The following LMO7 variants were observed in gnomAD, a reference collection of about 807,000 sequenced individuals.
LMO7 encodes LIM domain 7.
LMO7 carries 120 observed loss-of-function variants against 206.5 expected under a neutral mutation model. That is an observed-to-expected ratio of 0.58 (90% confidence interval 0.50 to 0.68). The LOEUF (loss-of-function observed/expected upper bound fraction) is 0.68, where lower values mean the gene tolerates loss of function less well. Among genes scored for constraint, LMO7 ranks in the 30% least tolerant of loss-of-function variants. LMO7 has a pLI of 0.00. For synonymous variants in LMO7, 706 were observed against 681.5 expected (o/e 1.04, Z -0.56); for missense variants, 1,959 against 1,957.9 (o/e 1.00, Z -0.01).
At position 75,767,613 on chromosome 13, in the gene LMO7, A is replaced by T. The variant is rs1198585379; in HGVS notation, c.317+6575A>T. On this transcript the variant is annotated intron_variant, in intron 4 of 30. Transcript: ENST00000377534. The stretch of plus-strand genomic sequence containing the variant: ...CATTAACTTTGACTTTGGCATAACT[A>T]GAAAAACACTGGAAGGATCTGAACA... Among the ~76,000 whole-genome samples the T allele has an allele frequency of 2.0e-5, 3 of 152,078 alleles. No homozygotes were observed. The East Asian group carries it at 5.8e-4, about 29-fold the overall frequency.
chr13:75,681,337 T>C (rs2040467021), intron 1 of LMO7, among the ~76,000 whole-genome samples: 1 of 152,194 alleles, frequency 6.6e-6, no homozygotes, highest in Non-Finnish European at 1.5e-5. Flanking sequence ...TTATTAATGC[T>C]CAGCAAAGTT....
intron 1 of LMO7, among the ~76,000 whole-genome samples, chr13:75,692,194 A>G (rs927979055): frequency 6.6e-6 from 1 of 152,060 alleles, no homozygotes; most frequent in African/African-American, 2.4e-5. Flanking sequence ...ACCCAGGAAA[A>G]CCTAACTGTT....
chr13:75,740,565 A>G (rs1286947620), intron 3 of LMO7, among the ~76,000 whole-genome samples: 1 of 152,242 alleles, frequency 6.6e-6, no homozygotes, highest in Non-Finnish European at 1.5e-5. Context: ...CTTAAAGGTA[A>G]GATCATTAGT....
Position 75,849,141 on chromosome 13 carries a change from G to A in LMO7, c.4213G>A (p.Glu1405Lys), listed in dbSNP as rs757734340. ...CTCTTCACAGAGGAGATCCAAGAAA[G>A]AACAAGTACCATCAGGAGCAGAATT... ...MTSSQRRSKK[E>K]QVPSGAELER... is the part of the protein sequence containing the mutation. The change falls in exon 27 of 31, where the codon GAA becomes AAA. Residue 1405 changes from glutamate (E) to lysine (K), a missense_variant. Glu to Lys is a moderately conservative substitution (Grantham distance 56). Coordinates refer to ENST00000377534, the MANE Select transcript of LMO7 (RefSeq NM_001306080.2). The A allele has an allele frequency of 4.3e-6, 7 of 1,613,504 alleles. No homozygotes were observed. The East Asian group carries it at 1.6e-4, about 36-fold the overall frequency.
chr13:75,713,207 CA>C lies in LMO7; in HGVS notation c.99del (p.Asp34IlefsTer6). 6.3e-7 allele frequency: 1 copy of C among 1,596,184 alleles called. No individual in the cohort carries two copies. Among genetic ancestry groups the C allele is most frequent in the Middle Eastern group, 1.7e-4 (1 of 6,008 alleles). ...VEAVTEKNFE[T>X]KDFRASLENG... is the part of the protein sequence containing the mutation. ...GCAGTAACAGAGAAGAATTTTGAAA[CA>C]AAAGATTTTCGAGCCTCTCTAGAAA... On this transcript the variant is annotated frameshift_variant, in exon 2 of 31. Coordinates refer to ENST00000377534, the MANE Select transcript of LMO7 (RefSeq NM_001306080.2). LOFTEE classifies it high-confidence loss of function.
chr13:75,652,420 A>C (rs996350166), intron 1 of LMO7, among the ~76,000 whole-genome samples: 3 of 152,098 alleles, frequency 2.0e-5, no homozygotes, highest in African/African-American at 7.2e-5. Flanking sequence ...AACTTCCTTC[A>C]TTCTCTGCAG....
intron 8 of LMO7, chr13:75,804,815 T>C (rs1595141405): frequency 8.8e-7 from 1 of 1,140,204 alleles, no homozygotes. Flanking sequence ...ATTTGTATTG[T>C]TCATGATGAG....
intron 1 of LMO7, among the ~76,000 whole-genome samples, chr13:75,710,183 G>A (rs1350683198): frequency 6.6e-6 from 1 of 151,276 alleles, no homozygotes; most frequent in Non-Finnish European, 1.5e-5. Context: ...GCAGTACCAT[G>A]CTGTTTTGGT....
chr13:75,844,646 T>G (rs886246606), intron 25 of LMO7, among the ~76,000 whole-genome samples: 1 of 152,054 alleles, frequency 6.6e-6, no homozygotes, highest in African/African-American at 2.4e-5. Flanking sequence ...TGACCTCAAG[T>G]GATCCTCCCG....
In LMO7 at chr13:75,713,150, A is replaced by G. The variant is rs12017010; in HGVS notation, c.70-32A>G. 2,673 of 1,553,920 alleles carry G rather than the reference A, an allele frequency of 1.7e-3. 44 individuals carry two copies. The African/African-American group carries it at 0.03, about 17-fold the overall frequency. ...TGGACTTGTGTGCTATCCCTGCTTA[A>G]GAGAAAATTAACAACCAAACCTATC... is the stretch of plus-strand genomic sequence containing the variant. On this transcript the variant is annotated intron_variant, in intron 1 of 30. Coordinates refer to ENST00000377534, the MANE Select transcript of LMO7 (RefSeq NM_001306080.2).
At chr13:75,675,662 T>C (rs925620669) in intron 1 of LMO7, among the ~76,000 whole-genome samples, 1 of 152,200 alleles carries the variant, frequency 6.6e-6, no homozygotes, top group East Asian at 1.9e-4. Flanking sequence ...GACTTCTTTA[T>C]TGCAGGCATG....
At chr13:75,729,247 TC>T (rs370567287) in intron 3 of LMO7, among the ~76,000 whole-genome samples, 1 of 150,660 alleles carries the variant, frequency 6.6e-6, no homozygotes, top group Non-Finnish European at 1.5e-5. Flanking sequence ...TATTGATTCT[TC>T]CTATCCATGA....
chr13:75,801,346 T>C (rs946470842), intron 7 of LMO7, among the ~76,000 whole-genome samples: 4 of 152,212 alleles, frequency 2.6e-5, no homozygotes, highest in African/African-American at 4.8e-5. Flanking sequence ...TTTACAATTA[T>C]TTCTATAGAT....
At chr13:75,786,071 A>G (rs1379195898) in intron 4 of LMO7, among the ~76,000 whole-genome samples, 2 of 152,184 alleles carry the variant, frequency 1.3e-5, no homozygotes, top group Non-Finnish European at 2.9e-5. Context: ...AGAGATGGGT[A>G]AGAAGATGAC....
At chr13:75,709,978 A>G (rs866111079) in intron 1 of LMO7, among the ~76,000 whole-genome samples, 22 of 152,172 alleles carry the variant, frequency 1.4e-4, no homozygotes, top group African/African-American at 5.3e-4. Flanking sequence ...TTTTTGTATA[A>G]GGTGTAAGGA....
At chr13:75,698,269 G>GA (rs1273900950) in intron 1 of LMO7, among the ~76,000 whole-genome samples, 5 of 151,834 alleles carry the variant, frequency 3.3e-5, no homozygotes, top group Non-Finnish European at 5.9e-5. Flanking sequence ...CTATTCTTGT[G>GA]AAAAAAATAT....
intron 28 of LMO7, 97 bp downstream of exon 28, chr13:75,853,485 AAAAG>A: frequency 4.3e-6 from 5 of 1,161,966 alleles, no homozygotes; most frequent in Non-Finnish European, 5.9e-6. Context: ...ATGAAGAAGA[AAAAG>A]AAGCCCTTTT....
intron 4 of LMO7, among the ~76,000 whole-genome samples, chr13:75,790,507 G>A (rs1380909981): frequency 2.0e-5 from 3 of 152,068 alleles, no homozygotes; most frequent in Non-Finnish European, 2.9e-5. Flanking sequence ...GGAACGACCC[G>A]GCCTGGGATC....
At chr13:75,732,252 T>C (rs2045321352) in intron 3 of LMO7, among the ~76,000 whole-genome samples, 1 of 152,240 alleles carries the variant, frequency 6.6e-6, no homozygotes, top group Admixed American at 6.5e-5. Context: ...CCCGTCACTT[T>C]CAGGTACACC....
Sources: gnomAD v4.1 joint callset for allele counts (sites outside exome capture counted in the v4.1 genomes callset) on GRCh38, gnomAD v4.1.1 for gene constraint, MANE v1.5 for transcripts, NCBI Gene and HGNC (gene_info 2026-07-23, HGNC 2026-07-21) for gene names.